The following PFKFB3 variants were observed in gnomAD, a reference collection of about 807,000 sequenced individuals.
PFKFB3 encodes the protein 6-phosphofructo-2-kinase/fructose-2,6-bisphosphatase 3.
In PFKFB3, 33 loss-of-function variants were observed where a neutral mutation model predicts 68.0. That is an observed-to-expected ratio of 0.49 (90% CI 0.37 to 0.65). The LOEUF is 0.65. PFKFB3 is among the 30% of genes least tolerant of loss of function. The probability of loss-of-function intolerance (pLI) is 0.00; values close to 1 mark genes in which losing one functional copy is unlikely to be tolerated. For missense variants in PFKFB3, 586 were observed against 712.2 expected (o/e 0.82, Z 2.02); for synonymous variants, 315 against 288.2 (o/e 1.09, Z -0.94).
intron 14 of PFKFB3, chr10:6,231,531 T>C: frequency 1.0e-6 from 1 of 985,426 alleles, no homozygotes; most frequent in Non-Finnish European, 1.2e-6. Flanking sequence ...TCACCCGGTC[T>C]TGCAGGCTCT....
the PFKFB3 span, among the ~76,000 whole-genome samples, chr10:6,279,280 C>T: frequency 6.6e-6 from 1 of 152,044 alleles, no homozygotes; most frequent in Non-Finnish European, 1.5e-5. Context: ...AATAACAAGT[C>T]TTTCTTAGTG....
In PFKFB3 at chr10:6,144,961, G is replaced by A. The variant is rs1406428029; in HGVS notation, c.-37G>A. On this transcript the variant is annotated 5_prime_UTR_variant, in exon 1 of 15. Coordinates refer to the PFKFB3 transcript ENST00000379789. ...CGCTTGGACGTCGTCCTGTCTGGGTGTCGCGGGCCGGCCCCGCGGGGAGCG... is the reference window on the plus strand; with the variant it reads ...CGCTTGGACGTCGTCCTGTCTGGGTATCGCGGGCCGGCCCCGCGGGGAGCG... 14 of 1,273,030 alleles carry A rather than the reference G, an allele frequency of 1.1e-5. No homozygotes were observed. The African/African-American group carries it at 2.2e-4, about 20-fold the overall frequency. The allele number at this position is 1,273,030 out of a possible 1,614,324, so 78.9% of individuals were successfully genotyped here.
chr10:6,301,243 G>A, the PFKFB3 span, among the ~76,000 whole-genome samples: 33 of 152,178 alleles, frequency 2.2e-4, no homozygotes, highest in African/African-American at 6.8e-4. Context: ...AGGAAATAAA[G>A]TAAGATGAGG....
chr10:6,248,394 C>T (rs761522345), intron 14 of PFKFB3, among the ~76,000 whole-genome samples: 2 of 151,356 alleles, frequency 1.3e-5, no homozygotes, highest in Non-Finnish European at 1.5e-5. Context: ...GGAGGGAGGC[C>T]GAGGTGGGCA....
At chr10:6,243,084 C>T (rs778200701) in intron 14 of PFKFB3, among the ~76,000 whole-genome samples, 2 of 152,152 alleles carry the variant, frequency 1.3e-5, no homozygotes, top group Non-Finnish European at 2.9e-5. Context: ...TACTGGAAGA[C>T]TCGGCAACAC....
chr10:6,154,622 C>T lies in PFKFB3; in HGVS notation c.16+9609C>T, dbSNP rs541232896. Among the ~76,000 whole-genome samples, 17 of 152,130 alleles carry T rather than the reference C, an allele frequency of 1.1e-4. 1 individual carries two copies. The South Asian group carries it at 3.1e-3, about 28-fold the overall frequency. On this transcript the variant is annotated intron_variant, in intron 1 of 14. Transcript: ENST00000379789. This position sits in a 1 kb window ranked among gnomAD's most constrained non-coding sequence, Gnocchi z 4.6. Reference sequence around the variant, plus strand: ...ATCCTGAGAGCAGACTGTGGGGTGGCGGGGGAGGCAGGAGACCAGGTGGGA... The same window carrying T: ...ATCCTGAGAGCAGACTGTGGGGTGGTGGGGGAGGCAGGAGACCAGGTGGGA...
chr10:6,219,788 TA>T (rs146077775), intron 7 of PFKFB3, 95 bp downstream of exon 7: 187,247 of 1,391,990 alleles, frequency 0.13, 14,474 homozygotes, highest in African/African-American at 0.2. Context: ...TGGATACCTT[TA>T]AAAAAATTTT....
chr10:6,155,495 C>T (rs549779732), intron 1 of PFKFB3, among the ~76,000 whole-genome samples: 55 of 152,258 alleles, frequency 3.6e-4, no homozygotes, highest in Middle Eastern at 3.4e-3. Flanking sequence ...TGAGCCACCG[C>T]ACCTGGCCGA....
At chr10:6,292,718 C>CT in the PFKFB3 span, among the ~76,000 whole-genome samples, 2 of 151,572 alleles carry the variant, frequency 1.3e-5, no homozygotes, top group African/African-American at 4.8e-5. Flanking sequence ...TCCCATAGAA[C>CT]TAAAGTAACA....
intron 11 of PFKFB3, among the ~76,000 whole-genome samples, chr10:6,223,509 G>T (rs35532228): frequency 2.0e-5 from 3 of 152,098 alleles, no homozygotes; most frequent in African/African-American, 7.2e-5. Flanking sequence ...TCTGGGGCCA[G>T]CTGCTGCCCG....
In PFKFB3 at chr10:6,228,434, G is replaced by A; in HGVS notation, c.1515+2069G>A. ...GGTCATGGTGGCTGCACTACTGTTG[G>A]GTGTGTTCCGACACCGCCGCACGAC... On this transcript the variant is annotated intron_variant, in intron 14 of 14. Coordinates refer to ENST00000379775, the MANE Select transcript of PFKFB3 (RefSeq NM_004566.4). This position sits in a 1 kb window ranked among gnomAD's most constrained non-coding sequence, Gnocchi z 4.5. The A allele has an allele frequency of 1.6e-6, 1 of 632,748 alleles. No individual in the cohort carries two copies. The highest frequency in any genetic ancestry group is 2.9e-6 in the Non-Finnish European group (1 of 349,336). The allele number at this position is 632,748 out of a possible 1,614,324, so 39.2% of individuals were successfully genotyped here.
the PFKFB3 span, among the ~76,000 whole-genome samples, chr10:6,286,198 C>T: frequency 2.0e-5 from 3 of 151,988 alleles, no homozygotes; most frequent in African/African-American, 7.2e-5. Context: ...TTGATGGTCT[C>T]CATCTCCTGA....
At position 6,220,829 on chromosome 10, in the gene PFKFB3, C is replaced by T. The variant is rs370128069; in HGVS notation, c.795C>T (p.Ile265=). 60 of 1,613,016 alleles carry T rather than the reference C, an allele frequency of 3.7e-5. 1 individual carries two copies. Among genetic ancestry groups the T allele is most frequent in the South Asian group, 3.2e-4 (29 of 91,082 alleles). Residue 265 remains isoleucine (I), a synonymous_variant, in exon 8 of 15, where the codon ATC becomes ATT. Coordinates refer to ENST00000379775, the MANE Select transcript of PFKFB3 (RefSeq NM_004566.4). The surrounding 1 kb of genome is among the most constrained non-coding windows in gnomAD (Gnocchi z 4.1). ...ACGAGCACAACCTCCAGGGCCGCAT[C>T]GGGGGCGACTCAGGCCTGTCCAGCC... ...GENEHNLQGR[I]GGDSGLSSRG... is the part of the protein sequence containing the mutation.
intron 1 of PFKFB3, among the ~76,000 whole-genome samples, chr10:6,148,473 G>T (rs1007173520): frequency 6.6e-6 from 1 of 152,210 alleles, no homozygotes; most frequent in Non-Finnish European, 1.5e-5. Context: ...GCTGACAGTG[G>T]CAGTCCTGGC....
upstream of PFKFB3, chr10:6,202,792 A>AGGCTGCTTCCCGGCTCGCC (rs1387843857): frequency 1.4e-5 from 11 of 770,774 alleles, no homozygotes; most frequent in Middle Eastern, 6.3e-4. Context: ...GGGAGCTCGC[A>AGGCTGCTTCCCGGCTCGCC]GGCTGCTTCC....
At position 6,222,938 on chromosome 10, in the gene PFKFB3, G is replaced by T. The variant is rs746214599; in HGVS notation, c.1167G>T (p.Gln389His). The T allele has an allele frequency of 3.1e-6, 5 of 1,613,898 alleles. No individual in the cohort carries two copies. In the East Asian group the frequency reaches 1.1e-4, roughly 36 times the overall value. ...RQENVLVICH[Q>H]AVLRCLLAYF... Reference sequence around the variant, plus strand: ...AGAATGTGCTGGTCATCTGCCACCAGGCCGTCCTGCGCTGCCTGCTTGCCT... The same window carrying T: ...AGAATGTGCTGGTCATCTGCCACCATGCCGTCCTGCGCTGCCTGCTTGCCT... Residue 389 changes from glutamine to histidine, a missense_variant, in exon 11 of 15, where the codon CAG (glutamine) becomes CAT (histidine). By Grantham distance (24) the Gln-to-His change is conservative. Transcript: ENST00000379775.
rs945761478 is a variant in PFKFB3 at position 6,235,261 on chromosome 10, T to C, written c.*2319T>C. 6 of 152,720 alleles carry C rather than the reference T, an allele frequency of 3.9e-5. No homozygotes were observed. The highest frequency in any genetic ancestry group is 3.2e-3 in the Middle Eastern group (1 of 316). 9.5% of individuals were successfully genotyped at this position (152,720 alleles called of 1,614,324 possible). ...TATTTTTCTTTGTAATACTTGAAAT[T>C]TATTTTTTTATTATTTTGATAGCAG... On this transcript the variant is annotated 3_prime_UTR_variant, in exon 15 of 15. Transcript: ENST00000379775.
At chr10:6,218,724 C>T (rs1241689921) in intron 6 of PFKFB3, among the ~76,000 whole-genome samples, 5 of 152,198 alleles carry the variant, frequency 3.3e-5, no homozygotes, top group African/African-American at 1.2e-4. Flanking sequence ...TGAGCCACTG[C>T]ATCCGGCCAT....
At chr10:6,281,183 A>ATATATATG in the PFKFB3 span, among the ~76,000 whole-genome samples, 1 of 134,518 alleles carries the variant, frequency 7.4e-6, no homozygotes. Context: ...ATATATATAT[A>ATATATATG]CACCACAGTT....
Sources: allele counts gnomAD v4.1 joint callset (sites outside exome capture counted in the v4.1 genomes callset), GRCh38; gene constraint gnomAD v4.1.1; non-coding constraint Gnocchi (gnomAD v3.1); transcripts MANE v1.5; gene names NCBI Gene and HGNC (gene_info 2026-07-23, HGNC 2026-07-21).